The following KRT33B variants were observed in gnomAD, a reference collection of about 807,000 sequenced individuals.
KRT33B encodes the protein keratin, type I cuticular Ha3-II.
Under a neutral mutation model 42.7 loss-of-function variants are expected in KRT33B, and 37 were observed. The observed-to-expected ratio is 0.87, with a 90% confidence interval of 0.67 to 1.14. The LOEUF (loss-of-function observed/expected upper bound fraction) is 1.14. Among genes scored for constraint, KRT33B ranks in the 50% most tolerant of loss-of-function variants. The pLI, the probability that KRT33B is intolerant of heterozygous loss-of-function variation, is 0.00. For synonymous variants in KRT33B, 237 were observed against 221.2 expected, an observed-to-expected ratio of 1.07 and a Z score of -0.63; for missense variants, 523 against 515.1, an observed-to-expected ratio of 1.02 and a Z score of -0.15.
chr17:41,368,358 C>T (rs1227490510), intron 1 of KRT33B, among the ~76,000 whole-genome samples: 5 of 151,262 alleles, frequency 3.3e-5, no homozygotes, highest in East Asian at 1.9e-4. Context: ...CCAACACATT[C>T]CACCTGCTAA....
At position 41,364,774 on chromosome 17, in the gene KRT33B, C is replaced by T. The variant is rs2017672074; in HGVS notation, c.1097+5G>A. 6.2e-7 allele frequency: 1 copy of T among 1,612,472 alleles called. No homozygotes were observed. On this transcript the variant is annotated splice_donor_5th_base_variant and intron_variant, in intron 6 of 6. Coordinates refer to ENST00000251646, the MANE Select transcript of KRT33B (RefSeq NM_002279.5). ...TTGCAGGGGTGCCGTCCGCCAGGTA[C>T]TCACTTGCAGTCCTCGCTCTCCAGC... is the stretch of plus-strand genomic sequence containing the variant.
intron 1 of KRT33B, among the ~76,000 whole-genome samples, chr17:41,368,675 G>A (rs925555316): frequency 6.6e-6 from 1 of 151,148 alleles, no homozygotes; most frequent in African/African-American, 2.5e-5. Flanking sequence ...ACCCCTTTCT[G>A]GCATCTAATT....
rs1267949910 is a variant in KRT33B, at chr17:41,366,739, A to T, written c.432-113T>A. 11 of 1,148,088 alleles carry T rather than the reference A, an allele frequency of 9.6e-6. No individual in the cohort carries two copies. In the Admixed American group the frequency reaches 2.0e-4, roughly 21 times the overall value. The allele number at this position is 1,148,088 out of a possible 1,614,324, so 71.1% of individuals were successfully genotyped here. A position where few individuals can be genotyped will look rare whatever the true frequency, so the allele number is the denominator to read the frequency against. On this transcript the variant is annotated intron_variant, in intron 2 of 6. Coordinates refer to ENST00000251646, the MANE Select transcript of KRT33B (RefSeq NM_002279.5). ...TTATATTTTGAAATATTTTGAATTTAAAAAATTAAGGGAGAAAATACTCCT... is the reference window on the plus strand; with the variant it reads ...TTATATTTTGAAATATTTTGAATTTTAAAAATTAAGGGAGAAAATACTCCT...
chr17:41,366,418 A>AT, intron 3 of KRT33B, 52 bp downstream of exon 3: 1 of 1,600,534 alleles, frequency 6.2e-7, no homozygotes, highest in Non-Finnish European at 8.5e-7. Flanking sequence ...TATCCTATTC[A>AT]GGGGGATCAC....
chr17:41,365,740 G>T (rs773453270), intron 3 of KRT33B, among the ~76,000 whole-genome samples, 187 bp from the exon 4 acceptor site: 11 of 151,246 alleles, frequency 7.3e-5, no homozygotes, highest in Non-Finnish European at 1.6e-4. Context: ...TGATACGGCT[G>T]CTTCATTAAA....
In KRT33B at chr17:41,365,270, T is replaced by C. The variant is rs1316702167; in HGVS notation, c.781A>G (p.Ser261Gly). The C allele has an allele frequency of 1.9e-6, 3 of 1,612,406 alleles. No individual in the cohort carries two copies. The highest frequency in any genetic ancestry group is 1.8e-4 in the Middle Eastern group (1 of 5,432). Residue 261 changes from serine to glycine, a missense_variant, in exon 5 of 7, where the codon AGC (serine) becomes GGC (glycine). Physicochemically the swap from Ser to Gly is moderately conservative, Grantham distance 56 (BLOSUM62 0). Coordinates refer to ENST00000251646, the MANE Select transcript of KRT33B (RefSeq NM_002279.5). ...TGGTAGGACTGCAGCTGCTCCGAGC[T>C]GGATACCACCTGCTTGTTCAGCTCC... Reference protein sequence around the residue: ...TEELNKQVVSSSEQLQSYQAE... With the variant: ...TEELNKQVVSGSEQLQSYQAE...
chr17:41,364,783 A>C lies in KRT33B; in HGVS notation c.1093T>G (p.Cys365Gly), dbSNP rs771646888. The change falls in exon 6 of 7, where the codon TGC (cysteine) becomes GGC (glycine). Residue 365 changes from cysteine (C) to glycine (G), a missense_variant. Physicochemically the swap from Cys to Gly is radical, Grantham distance 159. Transcript: ENST00000251646. ...TYRSLLESED[C>G]KLPSNPCATT... is the part of the protein sequence containing the mutation. Reference sequence around the variant, plus strand: ...TGCCGTCCGCCAGGTACTCACTTGCAGTCCTCGCTCTCCAGCAGGCTCCGG... The same window carrying C: ...TGCCGTCCGCCAGGTACTCACTTGCCGTCCTCGCTCTCCAGCAGGCTCCGG... The C allele has an allele frequency of 2.5e-6, 4 of 1,612,678 alleles. No individual in the cohort carries two copies.
chr17:41,366,349 T>C lies in KRT33B; in HGVS notation c.588+121A>G, dbSNP rs1416662961. The C allele has an allele frequency of 4.2e-6, 5 of 1,196,970 alleles. No homozygotes were observed. In the South Asian group the frequency reaches 5.8e-5, roughly 14 times the overall value. 74.1% of individuals were successfully genotyped at this position (1,196,970 alleles called of 1,614,324 possible). On this transcript the variant is annotated intron_variant, in intron 3 of 6. Coordinates refer to ENST00000251646, the MANE Select transcript of KRT33B (RefSeq NM_002279.5). Reference sequence around the variant, plus strand: ...TTCCCCAACAAGCCCCAAAGTATGTTTTGAGCAACCAGCAAAATGTTGTTA... The same window carrying C: ...TTCCCCAACAAGCCCCAAAGTATGTCTTGAGCAACCAGCAAAATGTTGTTA...
intron 1 of KRT33B, 42 bp downstream of exon 1, chr17:41,369,361 A>G (rs2017744741): frequency 1.2e-6 from 2 of 1,605,732 alleles, no homozygotes; most frequent in East Asian, 4.5e-5. Flanking sequence ...AAATATAGAT[A>G]AGTAGTTCAT....
At chr17:41,365,981 G>A (rs1408029315) in intron 3 of KRT33B, among the ~76,000 whole-genome samples, 1 of 151,274 alleles carries the variant, frequency 6.6e-6, no homozygotes, top group African/African-American at 2.5e-5. Context: ...TCGTAGTATT[G>A]CATTCAGCCA....
rs752466716 is a variant in KRT33B at position 41,365,256 on chromosome 17, C to T, written c.795G>A (p.Leu265=). 1.9e-6 allele frequency: 3 copies of T among 1,611,788 alleles called. No individual in the cohort carries two copies. The highest frequency in any genetic ancestry group is 2.5e-6 in the Non-Finnish European group (3 of 1,180,004). ...NKQVVSSSEQ[L]QSYQAEIIEL... Reference sequence around the variant, plus strand: ...CGATGATCTCCGCCTGGTAGGACTGCAGCTGCTCCGAGCTGGATACCACCT... The same window carrying T: ...CGATGATCTCCGCCTGGTAGGACTGTAGCTGCTCCGAGCTGGATACCACCT... The change falls in exon 5 of 7, where the codon CTG becomes CTA. Residue 265 remains leucine (L), a synonymous_variant. Coordinates refer to ENST00000251646, the MANE Select transcript of KRT33B (RefSeq NM_002279.5).
Position 41,364,766 on chromosome 17 carries a change from G to T in KRT33B, c.1097+13C>A. On this transcript the variant is annotated intron_variant, in intron 6 of 6. Coordinates refer to ENST00000251646, the MANE Select transcript of KRT33B (RefSeq NM_002279.5). ...CCTGTCCCTTGCAGGGGTGCCGTCC[G>T]CCAGGTACTCACTTGCAGTCCTCGC... 1 of 1,612,294 alleles carries T rather than the reference G, an allele frequency of 6.2e-7. No homozygotes were observed. The highest frequency in any genetic ancestry group is 8.5e-7 in the Non-Finnish European group (1 of 1,179,856).
At chr17:41,366,362 C>A in intron 3 of KRT33B, 108 bp downstream of exon 3, 4 of 1,319,306 alleles carry the variant, frequency 3.0e-6, no homozygotes, top group South Asian at 2.7e-5. Flanking sequence ...GAGCAACCAG[C>A]AAAATGTTGT....
At position 41,369,479 on chromosome 17, in the gene KRT33B, C is replaced by A. The variant is rs147583117; in HGVS notation, c.272G>T (p.Arg91Leu). Residue 91 changes from arginine to leucine, a missense_variant, in exon 1 of 7, where the codon CGG becomes CTG. Arg to Leu is a moderately radical substitution (Grantham distance 102). Transcript: ENST00000251646. ...CAGCAAGGGCTCCTGCTGCTGAGAC[C>A]GCTCCCGGATGAGGTTCTCCAGCTC... ...NAELENLIRE[R>L]SQQQEPLLCP... 15 of 1,613,696 alleles carry A rather than the reference C, an allele frequency of 9.3e-6. No individual in the cohort carries two copies. The highest frequency in any genetic ancestry group is 2.2e-5 in the South Asian group (2 of 91,082).
At chr17:41,368,786 C>T (rs1428116203) in intron 1 of KRT33B, among the ~76,000 whole-genome samples, 3 of 151,324 alleles carry the variant, frequency 2.0e-5, no homozygotes, top group African/African-American at 4.9e-5. Flanking sequence ...CCCACTCAGA[C>T]ATTGCCTCTT....
rs200723465 is a variant in KRT33B, at chr17:41,365,036, T to C, written c.877-37A>G. The C allele has an allele frequency of 3.2e-4, 520 of 1,612,282 alleles. 36 individuals carry two copies. The African/African-American group carries it at 6.3e-3, about 20-fold the overall frequency. ...AAGATCAGGAATGTCAGAGAGCTGC[T>C]CCTTATAGGGTTCCTCCATGGGGTT... On this transcript the variant is annotated intron_variant, in intron 5 of 6. Transcript: ENST00000251646.
rs1369785802 is a variant in KRT33B, at chr17:41,366,509, C to A, written c.549G>T (p.Leu183=). The A allele has an allele frequency of 6.2e-7, 1 of 1,612,614 alleles. No homozygotes were observed. Among genetic ancestry groups the A allele is most frequent in the East Asian group, 2.2e-5 (1 of 44,882 alleles). Residue 183 remains leucine (L), a synonymous_variant, in exon 3 of 7, where the codon CTG becomes CTT. Transcript: ENST00000251646. ...RSDLEAQMES[L]KEELLSLKQN... ...GCTTGAGGGACAGCAGCTCCTCCTT[C>A]AGGGACTCCATCTGGGCCTCCAGGT...
rs777240092 is a variant in KRT33B at position 41,366,461 on chromosome 17, G to T, written c.588+9C>A. On this transcript the variant is annotated intron_variant, in intron 3 of 6. Transcript: ENST00000251646. ...TCAGTATTGGGATATTGGGGGCTGGGACTCTTACCTGCTCATGGTTCTGCT... is the reference window on the plus strand; with the variant it reads ...TCAGTATTGGGATATTGGGGGCTGGTACTCTTACCTGCTCATGGTTCTGCT... 1.2e-6 allele frequency: 2 copies of T among 1,611,646 alleles called. No individual in the cohort carries two copies. The highest frequency in any genetic ancestry group is 1.7e-6 in the Non-Finnish European group (2 of 1,179,974).
At position 41,363,551 on chromosome 17, in the gene KRT33B, G is replaced by C. The variant is rs1567669916; in HGVS notation, c.*285C>G. 1 of 320,796 alleles carries C rather than the reference G, an allele frequency of 3.1e-6. No homozygotes were observed. Among genetic ancestry groups the C allele is most frequent in the East Asian group, 4.8e-5 (1 of 21,004 alleles). The allele number at this position is 320,796 out of a possible 1,614,324, so 19.9% of individuals were successfully genotyped here. On this transcript the variant is annotated 3_prime_UTR_variant, in exon 7 of 7. Coordinates refer to ENST00000251646, the MANE Select transcript of KRT33B (RefSeq NM_002279.5). Reference sequence around the variant, plus strand: ...GATTTGGGGAACTGCAATAAAGGTAGAAGCAGCAGAGAGAACAAAACACCT... The same window carrying C: ...GATTTGGGGAACTGCAATAAAGGTACAAGCAGCAGAGAGAACAAAACACCT...
Sources: allele counts gnomAD v4.1 joint callset (sites outside exome capture counted in the v4.1 genomes callset), GRCh38; gene constraint gnomAD v4.1.1; transcripts MANE v1.5; gene names NCBI Gene and HGNC (gene_info 2026-07-23, HGNC 2026-07-21).